CHRNB4: variants seen among roughly 807,000 people sequenced by gnomAD.
CHRNB4 encodes the protein neuronal acetylcholine receptor subunit beta-4.
Under a neutral mutation model 40.4 loss-of-function variants are expected in CHRNB4, and 23 were observed. That is an observed-to-expected ratio of 0.57 (90% CI 0.41 to 0.81). The LOEUF (loss-of-function observed/expected upper bound fraction) is 0.81. CHRNB4 is among the 30% of genes least tolerant of loss of function. CHRNB4 has a pLI of 0.00. For missense variants in CHRNB4, 568 were observed against 670.6 expected, an observed-to-expected ratio of 0.85 and a Z score of 1.69; for synonymous variants, 285 against 274.4, an observed-to-expected ratio of 1.04 and a Z score of -0.38.
intron 7 of CHRNB4, among the ~76,000 whole-genome samples, chr15:78,646,769 G>A (rs2054126575): frequency 6.6e-6 from 1 of 152,220 alleles, no homozygotes; most frequent in Non-Finnish European, 1.5e-5. Flanking sequence ...TATATTGGAG[G>A]CCAGGATTTC....
chr15:78,643,755 G>GT (rs2054100602), upstream of CHRNB4, among the ~76,000 whole-genome samples: 1 of 152,076 alleles, frequency 6.6e-6, no homozygotes, highest in Non-Finnish European at 1.5e-5. Flanking sequence ...GTTAAGACTA[G>GT]TAAGAGTTAG....
At chr15:78,635,380 G>A in intron 2 of CHRNB4, 59 bp downstream of exon 2, 1 of 1,589,198 alleles carries the variant, frequency 6.3e-7, no homozygotes, top group South Asian at 1.1e-5. Context: ...ATCGCCTGGG[G>A]CTTGGGCATG....
In CHRNB4 at chr15:78,625,124, A is replaced by G. The variant is rs2141355589; in HGVS notation, c.*9T>C. 6.2e-7 allele frequency: 1 copy of G among 1,613,996 alleles called. No individual in the cohort carries two copies. The highest frequency in any genetic ancestry group is 8.5e-7 in the Non-Finnish European group (1 of 1,180,002). Reference sequence around the variant, plus strand: ...CTCACATCCTCTCACCCCACAACCCAGGGGGCCCTCAGTCACGCTGGGCAG... The same window carrying G: ...CTCACATCCTCTCACCCCACAACCCGGGGGGCCCTCAGTCACGCTGGGCAG... On this transcript the variant is annotated 3_prime_UTR_variant, in exon 6 of 6. Transcript: ENST00000261751.
exon 5 of CHRNB4, chr15:78,655,642 G>C (rs1266822118): frequency 1.3e-5 from 2 of 151,866 alleles, no homozygotes; most frequent in African/African-American, 2.4e-5. Flanking sequence ...CCACACTCCA[G>C]CTCGAGCAAC....
rs2053844553 is a variant in CHRNB4, at chr15:78,632,237, CTCTCTCTCTCTCTCTCTCTT to C, written c.205-925_205-906del. ...TCTCTTTCTCTCTCTCTCTCTCTCT[CTCTCTCTCTCTCTCTCTCTT>C]TCTTTCTTTCTTTCTTTCTTTCTCC... On this transcript the variant is annotated intron_variant, in intron 2 of 5. Transcript: ENST00000261751. Among the ~76,000 whole-genome samples, 329 of 87,270 alleles carry C rather than the reference CTCTCTCTCTCTCTCTCTCTT, an allele frequency of 3.8e-3. 4 individuals carry two copies. Among genetic ancestry groups the C allele is most frequent in the African/African-American group, 0.024 (302 of 12,732 alleles). 57.3% of individuals were successfully genotyped at this position (87,270 alleles called of 152,430 possible).
intron 1 of CHRNB4, 67 bp from the exon 2 acceptor site, chr15:78,635,654 G>T (rs930592239): frequency 2.8e-5 from 45 of 1,595,460 alleles, no homozygotes; most frequent in Non-Finnish European, 3.6e-5. Context: ...GCCTGTGGCA[G>T]CAGGGAGAGC....
upstream of CHRNB4, among the ~76,000 whole-genome samples, chr15:78,643,872 G>A (rs768950906): frequency 6.6e-5 from 10 of 151,954 alleles, no homozygotes; most frequent in East Asian, 1.9e-4. Flanking sequence ...ATTCTAGGCC[G>A]GGCACGGTGG....
intron 1 of CHRNB4, among the ~76,000 whole-genome samples, chr15:78,637,079 C>A (rs1022078112): frequency 5.3e-5 from 8 of 152,206 alleles, no homozygotes; most frequent in Admixed American, 1.3e-4. Flanking sequence ...AGGGGTCCAG[C>A]TGGCAGCTGG....
In CHRNB4 at chr15:78,624,516, G is replaced by C. The variant is rs1419969261; in HGVS notation, c.*617C>G. On this transcript the variant is annotated 3_prime_UTR_variant, in exon 6 of 6. Transcript: ENST00000261751. ...ATAGTGGCTCACACTTGTAATCCTA[G>C]CACTTTGGGAGGCCGAGGCAGGTGG... The C allele has an allele frequency of 6.4e-6, 1 of 155,446 alleles. No homozygotes were observed. The highest frequency in any genetic ancestry group is 2.4e-5 in the African/African-American group (1 of 41,486). 9.6% of individuals were successfully genotyped at this position (155,446 alleles called of 1,614,324 possible).
intron 1 of CHRNB4, among the ~76,000 whole-genome samples, chr15:78,637,746 G>A (rs376350736): frequency 2.0e-5 from 3 of 152,182 alleles, no homozygotes; most frequent in African/African-American, 4.8e-5. Flanking sequence ...TTTCCAACTC[G>A]CTGCCTATCT....
At chr15:78,654,124 G>A (rs554405966) in intron 5 of CHRNB4, among the ~76,000 whole-genome samples, 127 of 152,288 alleles carry the variant, frequency 8.3e-4, no homozygotes, top group Admixed American at 2.0e-3. Flanking sequence ...GTGCTTCAGG[G>A]ATGGATGAAG....
upstream of CHRNB4, chr15:78,661,112 A>G (rs1168991514): frequency 3.3e-6 from 2 of 615,092 alleles, no homozygotes; most frequent in South Asian, 1.4e-5. Flanking sequence ...GAGCGGACGT[A>G]GGCTTTGGTG....
intron 1 of CHRNB4, among the ~76,000 whole-genome samples, chr15:78,639,614 G>A (rs1206341813): frequency 6.6e-6 from 1 of 152,146 alleles, no homozygotes; most frequent in Non-Finnish European, 1.5e-5. Flanking sequence ...TTTTCTTTAT[G>A]TAGAGAATTT....
rs777517563 is a variant in CHRNB4, at chr15:78,629,610, G to C, written c.695C>G (p.Pro232Arg). Reference sequence around the variant, plus strand: ...GATGAGGTTGATGGTGTAGAACAGAGGCTTGCGCTTGATGATGAAGTCGTA... The same window carrying C: ...GATGAGGTTGATGGTGTAGAACAGACGCTTGCGCTTGATGATGAAGTCGTA... ...VTYDFIIKRK[P>R]LFYTINLIIP... Residue 232 changes from proline (P) to arginine (R), a missense_variant, in exon 5 of 6, where the codon CCT becomes CGT. This residue lies in a region of CHRNB4 where 127 missense variants were observed against 167.4 expected (regional missense o/e 0.76). Transcript: ENST00000261751. This position sits in a 1 kb window ranked among gnomAD's most constrained non-coding sequence, Gnocchi z 6.8. 1.2e-6 allele frequency: 2 copies of C among 1,614,144 alleles called. No homozygotes were observed. The highest frequency in any genetic ancestry group is 8.5e-7 in the Non-Finnish European group (1 of 1,180,022).
At chr15:78,635,142 A>G (rs2053919898) in intron 2 of CHRNB4, among the ~76,000 whole-genome samples, 1 of 152,104 alleles carries the variant, frequency 6.6e-6, no homozygotes, top group Non-Finnish European at 1.5e-5. Flanking sequence ...CAAGGAGGAG[A>G]AGCTTATGGT....
Position 78,652,224 on chromosome 15 carries a change from G to A in CHRNB4, c.-16+354C>T, listed in dbSNP as rs566665591. ...GGGCCATAGTCTCCCAGGCCCTGCTGCTCTCTGCTCTTCCCCTTTCCACCT... is the reference window on the plus strand; with the variant it reads ...GGGCCATAGTCTCCCAGGCCCTGCTACTCTCTGCTCTTCCCCTTTCCACCT... On this transcript the variant is annotated intron_variant and NMD_transcript_variant, in intron 6 of 11. Transcript: ENST00000559849. 1.1e-3 allele frequency among the ~76,000 whole-genome samples: 165 copies of A among 152,344 alleles called. 1 individual carries two copies. The highest frequency in any genetic ancestry group is 3.6e-3 in the African/African-American group (151 of 41,592).
chr15:78,653,524 A>G (rs1177406386), intron 5 of CHRNB4, among the ~76,000 whole-genome samples: 1 of 152,172 alleles, frequency 6.6e-6, no homozygotes, highest in Non-Finnish European at 1.5e-5. Context: ...GTGCTGGCGG[A>G]AAACCTGCTG....
intron 6 of CHRNB4, among the ~76,000 whole-genome samples, chr15:78,649,911 A>G (rs1181271463): frequency 2.0e-5 from 3 of 152,370 alleles, no homozygotes; most frequent in East Asian, 3.9e-4. Context: ...ATGACTACAT[A>G]TGAGTATGTT....
At chr15:78,661,577 T>C (rs7164665), upstream of CHRNB4, 114,769 of 524,676 alleles carry the variant, frequency 0.22, 15,839 homozygotes, top group Admixed American at 0.42. Context: ...GAACGTTTTT[T>C]GGTCCTTGTT....
Sources: gnomAD v4.1 joint callset for allele counts (sites outside exome capture counted in the v4.1 genomes callset) on GRCh38, gnomAD v4.1.1 for gene constraint, gnomAD v4.1.1 regional missense constraint, Gnocchi (gnomAD v3.1) non-coding constraint, MANE v1.5 for transcripts, NCBI Gene and HGNC (gene_info 2026-07-23, HGNC 2026-07-21) for gene names.